The following ZCWPW2 variants were observed in gnomAD, a reference collection of about 807,000 sequenced individuals.
The protein encoded by ZCWPW2 is zinc finger CW-type and PWWP domain containing 2, also known as zinc finger CW-type PWWP domain protein 2.
Under a neutral mutation model 46.6 loss-of-function variants are expected in ZCWPW2, and 45 were observed. The ratio of observed to expected loss-of-function variants is 0.96; its 90% CI spans 0.76 to 1.24. The LOEUF (loss-of-function observed/expected upper bound fraction) is 1.24. Among genes scored for constraint, ZCWPW2 ranks in the 50% most tolerant of loss-of-function variants. ZCWPW2 has a pLI of 0.00. For missense variants in ZCWPW2, 429 were observed against 403.9 expected (o/e 1.06, Z -0.53); for synonymous variants, 152 against 137.1 (o/e 1.11, Z -0.76).
At chr3:28,369,559 C>T (rs1705239111) in intron 1 of ZCWPW2, among the ~76,000 whole-genome samples, 1 of 152,174 alleles carries the variant, frequency 6.6e-6, no homozygotes, top group Non-Finnish European at 1.5e-5. Context: ...AGGTGTCAGT[C>T]TGCCCCTACT....
intron 2 of ZCWPW2, among the ~76,000 whole-genome samples, chr3:28,402,005 C>T (rs983344774): frequency 2.0e-5 from 3 of 151,306 alleles, no homozygotes; most frequent in Non-Finnish European, 4.4e-5. Flanking sequence ...TAAGGTCATA[C>T]CTCAAGGAAT....
At chr3:28,406,638 G>T (rs1335147425) in intron 2 of ZCWPW2, among the ~76,000 whole-genome samples, 1 of 150,750 alleles carries the variant, frequency 6.6e-6, no homozygotes, top group African/African-American at 2.4e-5. Flanking sequence ...AACAGACAAT[G>T]ACTCCTCTTT....
At chr3:28,520,030 A>C (rs1007239356) in intron 8 of ZCWPW2, among the ~76,000 whole-genome samples, 10 of 136,800 alleles carry the variant, frequency 7.3e-5, no homozygotes, top group African/African-American at 2.8e-4. Context: ...TTTGAAATGG[A>C]GTCTTCCTCT....
At chr3:28,422,162 T>G (rs185766528) in intron 3 of ZCWPW2, among the ~76,000 whole-genome samples, 96 of 152,016 alleles carry the variant, frequency 6.3e-4, no homozygotes, top group Admixed American at 4.6e-3. Context: ...TATCCCACAC[T>G]GGTGTGGTAC....
intron 1 of ZCWPW2, among the ~76,000 whole-genome samples, chr3:28,373,013 C>A (rs1407406676): frequency 6.6e-6 from 1 of 152,024 alleles, no homozygotes; most frequent in Non-Finnish European, 1.5e-5. Flanking sequence ...ATATCTATAT[C>A]TATCTATCTA....
intron 4 of ZCWPW2, among the ~76,000 whole-genome samples, chr3:28,457,116 C>T (rs185496312): frequency 2.2e-4 from 33 of 152,158 alleles, no homozygotes; most frequent in East Asian, 3.9e-4. Context: ...GGATCAGGTC[C>T]GGTCCATGAA....
intron 4 of ZCWPW2, among the ~76,000 whole-genome samples, chr3:28,475,708 T>G (rs187217751): frequency 1.4e-4 from 21 of 152,296 alleles, no homozygotes; most frequent in African/African-American, 4.8e-4. Flanking sequence ...TCTCCCACAT[T>G]AGAGGATTTT....
chr3:28,437,187 T>C (rs1398487048), intron 4 of ZCWPW2, among the ~76,000 whole-genome samples: 10 of 152,206 alleles, frequency 6.6e-5, no homozygotes, highest in Non-Finnish European at 1.5e-4. Context: ...GAGAAGTATG[T>C]AAATTGTACA....
intron 3 of ZCWPW2, among the ~76,000 whole-genome samples, chr3:28,430,293 G>T (rs969441801): frequency 5.9e-5 from 9 of 152,236 alleles, no homozygotes; most frequent in African/African-American, 2.2e-4. Context: ...TAATTTCAAA[G>T]CTTTATGATT....
chr3:28,442,049 T>C (rs1296466408), intron 4 of ZCWPW2, among the ~76,000 whole-genome samples: 1 of 152,204 alleles, frequency 6.6e-6, no homozygotes, highest in East Asian at 1.9e-4. Context: ...ATGGCCCAAG[T>C]GACAGAACTG....
chr3:28,447,514 A>G (rs1698041413), intron 4 of ZCWPW2, among the ~76,000 whole-genome samples: 3 of 152,144 alleles, frequency 2.0e-5, no homozygotes, highest in Admixed American at 1.3e-4. Context: ...ATCTCAACAT[A>G]ATAAAAGCCA....
chr3:28,459,099 G>A (rs1444619513), intron 4 of ZCWPW2, among the ~76,000 whole-genome samples: 1 of 152,104 alleles, frequency 6.6e-6, no homozygotes, highest in African/African-American at 2.4e-5. Flanking sequence ...GGCCAGGCAC[G>A]GTGGCTCATG....
In ZCWPW2 at chr3:28,371,356, A is replaced by G. The variant is rs139556091; in HGVS notation, c.-133-19142A>G. On this transcript the variant is annotated intron_variant, in intron 1 of 9. Transcript: ENST00000383768. Reference sequence around the variant, plus strand: ...ATAAAACAAGAACAACTGGGGATTTACAGCCAAGGAGCATGGTAAAGGGGT... The same window carrying G: ...ATAAAACAAGAACAACTGGGGATTTGCAGCCAAGGAGCATGGTAAAGGGGT... Among the ~76,000 whole-genome samples the G allele has an allele frequency of 2.4e-3, 372 of 152,336 alleles. 1 individual carries two copies. The highest frequency in any genetic ancestry group is 8.2e-3 in the African/African-American group (339 of 41,588).
chr3:28,424,053 C>G (rs145338269), intron 3 of ZCWPW2, among the ~76,000 whole-genome samples: 1 of 152,030 alleles, frequency 6.6e-6, no homozygotes, highest in East Asian at 1.9e-4. Flanking sequence ...AAAACTATAC[C>G]ACCATTGCTG....
intron 6 of ZCWPW2, among the ~76,000 whole-genome samples, chr3:28,507,042 A>C (rs910018607): frequency 2.6e-5 from 4 of 152,164 alleles, no homozygotes; most frequent in African/African-American, 9.6e-5. Flanking sequence ...CTTGCTGGCT[A>C]TTGGAGTGGT....
rs1449433595 is a variant in ZCWPW2 at position 28,518,070 on chromosome 3, GGGTTGTGGTGA to G, written c.784+2451_784+2461del. Among the ~76,000 whole-genome samples, 6 of 150,784 alleles carry G rather than the reference GGGTTGTGGTGA, an allele frequency of 4.0e-5. No individual in the cohort carries two copies. In the East Asian group the frequency reaches 1.2e-3, roughly 29 times the overall value. On this transcript the variant is annotated intron_variant, in intron 8 of 9. Coordinates refer to ENST00000383768, the MANE Select transcript of ZCWPW2 (RefSeq NM_001040432.4). The stretch of plus-strand genomic sequence containing the variant: ...AGAATTTCTTGAACCTGGGAGGTGG[GGGTTGTGGTGA>G]GCCAAGGTTGTGCCACTGCACTCCA...
At chr3:28,474,754 T>C (rs998486017) in intron 4 of ZCWPW2, among the ~76,000 whole-genome samples, 14 of 152,192 alleles carry the variant, frequency 9.2e-5, no homozygotes. Flanking sequence ...GATGTCATAA[T>C]TATCTTCCTC....
chr3:28,390,440 TA>T, intron 1 of ZCWPW2, 57 bp from the exon 2 acceptor site: 3 of 967,374 alleles, frequency 3.1e-6, no homozygotes, highest in Non-Finnish European at 3.7e-6. Flanking sequence ...TTTATTATTT[TA>T]AAAATGTGGG....
intron 2 of ZCWPW2, among the ~76,000 whole-genome samples, chr3:28,409,173 T>A (rs1464686819): frequency 7.0e-6 from 1 of 143,486 alleles, no homozygotes; most frequent in Non-Finnish European, 1.5e-5. Context: ...CAGGCTGGAA[T>A]GCATGGTGCG....
Sources: gnomAD v4.1 joint callset for allele counts (sites outside exome capture counted in the v4.1 genomes callset) on GRCh38, gnomAD v4.1.1 for gene constraint, MANE v1.5 for transcripts, NCBI Gene and HGNC (gene_info 2026-07-23, HGNC 2026-07-21) for gene names.